PAXIP1: variants seen among roughly 807,000 people sequenced by gnomAD.
PAXIP1 encodes the protein PAX-interacting protein 1.
PAXIP1 carries 19 observed loss-of-function variants against 140.6 expected under a neutral mutation model. The ratio of observed to expected loss-of-function variants is 0.14; its 90% CI spans 0.09 to 0.20. The LOEUF is 0.20. PAXIP1 is among the 10% of genes least tolerant of loss of function. The pLI, the probability that PAXIP1 is intolerant of heterozygous loss-of-function variation, is 1.00. For synonymous variants in PAXIP1, 442 were observed against 444.6 expected, an observed-to-expected ratio of 0.99 and a Z score of 0.07; for missense variants, 920 against 1,208.6, an observed-to-expected ratio of 0.76 and a Z score of 3.54.
chr7:154,945,523 C>T, intron 20 of PAXIP1: 1 of 985,430 alleles, frequency 1.0e-6, no homozygotes. Flanking sequence ...CTTACTGAAG[C>T]AGTCCTATCC....
At chr7:154,957,192 A>C (rs1808552243) in intron 14 of PAXIP1, 32 bp downstream of exon 14, 2 of 1,266,798 alleles carry the variant, frequency 1.6e-6, no homozygotes, top group Admixed American at 2.0e-5. Flanking sequence ...TGTGAAAGCC[A>C]GCAATGAAAA....
chr7:155,002,796 ACGGACGGGGACG>A (rs971466306), intron 1 of PAXIP1, 41 bp downstream of exon 1: 1 of 1,025,222 alleles, frequency 9.8e-7, no homozygotes, highest in Non-Finnish European at 1.3e-6. Flanking sequence ...GGGGACGGGG[ACGGACGGGGACG>A]CGGACGGGGG....
intron 3 of PAXIP1, 106 bp downstream of exon 3, chr7:154,993,620 C>T: frequency 1.2e-6 from 1 of 827,250 alleles, no homozygotes; most frequent in Non-Finnish European, 2.0e-6. Flanking sequence ...ACAAAACAAT[C>T]TGTCCTAACG....
Position 154,998,792 on chromosome 7 carries a change from A to T in PAXIP1, c.82-8T>A. On this transcript the variant is annotated splice_region_variant and splice_polypyrimidine_tract_variant and intron_variant, in intron 1 of 20. Transcript: ENST00000404141. ...CTTGAGAAGCTGAATAACCTAAAAA[A>T]CAAGAAAATCCACACAAATTAAAAT... The T allele has an allele frequency of 6.2e-7, 1 of 1,606,488 alleles. No homozygotes were observed. Among genetic ancestry groups the T allele is most frequent in the Non-Finnish European group, 8.5e-7 (1 of 1,175,770 alleles).
intron 4 of PAXIP1, 196 bp from the exon 5 acceptor site, chr7:154,983,528 T>C: frequency 2.3e-6 from 1 of 439,838 alleles, no homozygotes; most frequent in South Asian, 3.7e-5. Context: ...CATAATAGTT[T>C]TACATATATG....
Position 155,002,587 on chromosome 7 carries a change from G to A in PAXIP1, c.81+262C>T, listed in dbSNP as rs1446314858. 2.6e-5 allele frequency among the ~76,000 whole-genome samples: 4 copies of A among 151,714 alleles called. No individual in the cohort carries two copies. In the South Asian group the frequency reaches 8.3e-4, roughly 31 times the overall value. Reference sequence around the variant, plus strand: ...GGTCGGGGGCGGCGACCCCAGGGCCGCAGGCCGGGGGCTCAGGGCGCGCAC... The same window carrying A: ...GGTCGGGGGCGGCGACCCCAGGGCCACAGGCCGGGGGCTCAGGGCGCGCAC... On this transcript the variant is annotated intron_variant, in intron 1 of 20. Coordinates refer to ENST00000404141, the MANE Select transcript of PAXIP1 (RefSeq NM_007349.4).
chr7:154,945,127 T>C (rs547743485), intron 20 of PAXIP1: 17 of 152,104 alleles, frequency 1.1e-4, no homozygotes, highest in African/African-American at 4.1e-4. Flanking sequence ...TGATTACAGG[T>C]ACCCGCCACC....
chr7:154,945,468 G>GA (rs1447261019), intron 20 of PAXIP1: 301 of 931,522 alleles, frequency 3.2e-4, no homozygotes, highest in Middle Eastern at 5.5e-4. Flanking sequence ...CACACACGAA[G>GA]AAAAAAAAAC....
intron 4 of PAXIP1, among the ~76,000 whole-genome samples, chr7:154,988,955 A>G (rs140528964): frequency 1.3e-5 from 2 of 152,374 alleles, no homozygotes; most frequent in African/African-American, 4.8e-5. Context: ...TAAAAATTAC[A>G]TGTAACCATA....
chr7:154,977,451 G>GC (rs1488606052), intron 5 of PAXIP1, among the ~76,000 whole-genome samples: 1 of 152,220 alleles, frequency 6.6e-6, no homozygotes, highest in Non-Finnish European at 1.5e-5. Flanking sequence ...ATGCGGGGCA[G>GC]CAGCACAGAG....
chr7:154,993,814 G>C (rs1374284403), intron 2 of PAXIP1, 45 bp from the exon 3 acceptor site: 19 of 1,433,092 alleles, frequency 1.3e-5, no homozygotes, highest in Admixed American at 2.0e-5. Context: ...CAATTTACAA[G>C]TGGCATATTA....
intron 5 of PAXIP1, among the ~76,000 whole-genome samples, chr7:154,977,989 A>AACTTTTTAATGTAC (rs1809673205): frequency 1.1e-4 from 16 of 151,478 alleles, no homozygotes; most frequent in African/African-American, 3.6e-4. Context: ...ACGCAGACCA[A>AACTTTTTAATGTAC]ATTAGAGACT....
At chr7:154,952,159 A>T (rs1808300191) in intron 16 of PAXIP1, 1 of 152,256 alleles carries the variant, frequency 6.6e-6, no homozygotes, top group Admixed American at 6.5e-5. Flanking sequence ...AAATTTTCAA[A>T]ATTTCAATTA....
chr7:154,991,730 G>A (rs1810339912), intron 3 of PAXIP1, among the ~76,000 whole-genome samples: 2 of 152,306 alleles, frequency 1.3e-5, no homozygotes, highest in Non-Finnish European at 2.9e-5. Flanking sequence ...CAAGACACAA[G>A]GCAGTCATGA....
chr7:154,989,154 T>TA (rs1230909225), intron 4 of PAXIP1, among the ~76,000 whole-genome samples: 1 of 152,212 alleles, frequency 6.6e-6, no homozygotes, highest in African/African-American at 2.4e-5. Flanking sequence ...AACAGGATTT[T>TA]AGAGAACTTC....
At chr7:154,945,774 T>C (rs1398462863) in intron 20 of PAXIP1, 1 of 985,016 alleles carries the variant, frequency 1.0e-6, no homozygotes, top group African/African-American at 1.7e-5. Flanking sequence ...TGTTCCTACA[T>C]TAAAATAATA....
chr7:154,981,034 T>C (rs1194014891), intron 5 of PAXIP1, among the ~76,000 whole-genome samples: 7 of 151,992 alleles, frequency 4.6e-5, no homozygotes, highest in East Asian at 3.9e-4. Flanking sequence ...GGCAGGAGAA[T>C]TGTGTGAACC....
At chr7:154,993,890 AC>A (rs1198206902) in intron 2 of PAXIP1, 121 bp from the exon 3 acceptor site, 1 of 679,650 alleles carries the variant, frequency 1.5e-6, no homozygotes, top group Non-Finnish European at 2.5e-6. Context: ...CATCCAGATT[AC>A]AAGTATGAAT....
chr7:154,954,038 A>G lies in PAXIP1; in HGVS notation c.2821+217T>C, dbSNP rs1808400954. Among the ~76,000 whole-genome samples, 1 of 152,194 alleles carries G rather than the reference A, an allele frequency of 6.6e-6. No individual in the cohort carries two copies. Among genetic ancestry groups the G allele is most frequent in the Non-Finnish European group, 1.5e-5 (1 of 68,034 alleles). Reference sequence around the variant, plus strand: ...GGGATATAGAGGTTGTTTTCCCCCTAATATTGTCCAATTTACCAAAACTTT... The same window carrying G: ...GGGATATAGAGGTTGTTTTCCCCCTGATATTGTCCAATTTACCAAAACTTT... On this transcript the variant is annotated intron_variant, in intron 16 of 20. Coordinates refer to ENST00000404141, the MANE Select transcript of PAXIP1 (RefSeq NM_007349.4). This position sits in a 1 kb window ranked among gnomAD's most constrained non-coding sequence, Gnocchi z 5.1.
Sources: gnomAD v4.1 joint callset for allele counts (sites outside exome capture counted in the v4.1 genomes callset) on GRCh38, gnomAD v4.1.1 for gene constraint, Gnocchi (gnomAD v3.1) non-coding constraint, MANE v1.5 for transcripts, NCBI Gene and HGNC (gene_info 2026-07-23, HGNC 2026-07-21) for gene names.